MAB21L4: variants seen among roughly 807,000 people sequenced by gnomAD.
The protein encoded by MAB21L4 is mab-21 like 4.
MAB21L4 carries 25 observed loss-of-function variants against 32.4 expected under a neutral mutation model. The ratio of observed to expected loss-of-function variants is 0.77; its 90% confidence interval spans 0.56 to 1.08. The LOEUF is 1.08. MAB21L4 is among the 50% of genes least tolerant of loss of function. The pLI, the probability that MAB21L4 is intolerant of heterozygous loss-of-function variation, is 0.00. For synonymous variants in MAB21L4, 280 were observed against 276.8 expected (o/e 1.01, Z -0.11); for missense variants, 638 against 611.0 (o/e 1.04, Z -0.47).
chr2:240,893,477 G>C (rs1279360171), intron 1 of MAB21L4, among the ~76,000 whole-genome samples: 1 of 152,212 alleles, frequency 6.6e-6, no homozygotes, highest in Non-Finnish European at 1.5e-5. Context: ...CATCTGCCGT[G>C]GGCCACGCAC....
In MAB21L4 at chr2:240,889,635, G is replaced by A. The variant is rs375941787; in HGVS notation, c.894+370C>T. On this transcript the variant is annotated intron_variant, in intron 3 of 4. Coordinates refer to ENST00000388934, the MANE Select transcript of MAB21L4 (RefSeq NM_001085437.3). ...CTCTCCTGGGAACCCCCAGAGGGAG[G>A]TGTCCCAGCCAGGTGACATTCCCAG... 8.5e-5 allele frequency among the ~76,000 whole-genome samples: 13 copies of A among 152,344 alleles called. No homozygotes were observed. In the East Asian group the frequency reaches 1.9e-3, roughly 23 times the overall value.
chr2:240,893,407 C>A (rs1438129173), intron 1 of MAB21L4, among the ~76,000 whole-genome samples: 1 of 152,194 alleles, frequency 6.6e-6, no homozygotes, highest in African/African-American at 2.4e-5. Context: ...GAAGGAGGGC[C>A]CCCCCATGCA....
Position 240,886,999 on chromosome 2 carries a change from G to A in MAB21L4, c.*71C>T. 1 of 1,191,578 alleles carries A rather than the reference G, an allele frequency of 8.4e-7. No homozygotes were observed. Among genetic ancestry groups the A allele is most frequent in the South Asian group, 1.2e-5 (1 of 80,354 alleles). The allele number at this position is 1,191,578 out of a possible 1,614,324, so 73.8% of individuals were successfully genotyped here. Reference sequence around the variant, plus strand: ...CCGTTTCTTCTTCCAAACATCCCAGGAGCCTCCCATGGTGCAGTGCAGAGT... The same window carrying A: ...CCGTTTCTTCTTCCAAACATCCCAGAAGCCTCCCATGGTGCAGTGCAGAGT... On this transcript the variant is annotated 3_prime_UTR_variant, in exon 5 of 5. Coordinates refer to ENST00000388934, the MANE Select transcript of MAB21L4 (RefSeq NM_001085437.3).
intron 1 of MAB21L4, among the ~76,000 whole-genome samples, chr2:240,893,467 C>T (rs1178131817): frequency 6.6e-6 from 1 of 152,244 alleles, no homozygotes; most frequent in Non-Finnish European, 1.5e-5. Flanking sequence ...CCACACACCT[C>T]ATCTGCCGTG....
chr2:240,894,290 C>CT (rs991382036), intron 1 of MAB21L4, among the ~76,000 whole-genome samples: 5 of 152,238 alleles, frequency 3.3e-5, no homozygotes, highest in African/African-American at 9.6e-5. Context: ...CAACAAAGCC[C>CT]TGTGAGGACT....
At chr2:240,894,443 G>A (rs866226301) in intron 1 of MAB21L4, among the ~76,000 whole-genome samples, 4 of 152,108 alleles carry the variant, frequency 2.6e-5, no homozygotes, top group African/African-American at 4.8e-5. Context: ...CCCAGCGACC[G>A]TCGCCGTCCA....
rs1351490251 is a variant in MAB21L4, at chr2:240,887,314, G to A, written c.1252-152C>T. 4 of 646,288 alleles carry A rather than the reference G, an allele frequency of 6.2e-6. No homozygotes were observed. In the Admixed American group the frequency reaches 1.0e-4, roughly 16 times the overall value. 40.0% of individuals were successfully genotyped at this position (646,288 alleles called of 1,614,324 possible). A position where few individuals can be genotyped will look rare whatever the true frequency, so the allele number is the denominator to read the frequency against. On this transcript the variant is annotated intron_variant, in intron 4 of 4. Coordinates refer to ENST00000388934, the MANE Select transcript of MAB21L4 (RefSeq NM_001085437.3). ...GGTATCTGCCTGGACAGGCATCCTA[G>A]AGGCGGAGCGGCCCCAGCCTCTGCT...
At chr2:240,893,405 GC>G (rs1042931088) in intron 1 of MAB21L4, among the ~76,000 whole-genome samples, 6 of 152,158 alleles carry the variant, frequency 3.9e-5, no homozygotes, top group African/African-American at 1.2e-4. Flanking sequence ...GAGAAGGAGG[GC>G]CCCCCCATGC....
chr2:240,891,453 C>A, intron 2 of MAB21L4, 85 bp downstream of exon 2: 1 of 1,304,188 alleles, frequency 7.7e-7, no homozygotes, highest in South Asian at 1.4e-5. Context: ...TGCAGATCCT[C>A]CTGGCTGGGG....
At chr2:240,887,196 G>T in intron 4 of MAB21L4, 34 bp from the exon 5 acceptor site, 1 of 1,563,778 alleles carries the variant, frequency 6.4e-7, no homozygotes, top group South Asian at 1.1e-5. Flanking sequence ...AAGGGTTACA[G>T]GGACCCCTGG....
At chr2:240,891,454 C>A in intron 2 of MAB21L4, 84 bp downstream of exon 2, 1 of 1,313,854 alleles carries the variant, frequency 7.6e-7, no homozygotes, top group Non-Finnish European at 1.0e-6. Context: ...GCAGATCCTC[C>A]TGGCTGGGGC....
chr2:240,896,403 G>C (rs1346505589), upstream of MAB21L4, among the ~76,000 whole-genome samples: 3 of 152,172 alleles, frequency 2.0e-5, no homozygotes, highest in Non-Finnish European at 4.4e-5. Context: ...GGGAGCCTCT[G>C]TGTGTTGCTG....
At chr2:240,887,469 G>A (rs775386141) in intron 4 of MAB21L4, among the ~76,000 whole-genome samples, 3 of 152,258 alleles carry the variant, frequency 2.0e-5, no homozygotes, top group Non-Finnish European at 4.4e-5. Flanking sequence ...GCCCACACAG[G>A]TCTGCTGAGA....
At position 240,888,292 on chromosome 2, in the gene MAB21L4, CT is replaced by C; in HGVS notation, c.1250del (p.Lys417SerfsTer116). 1 of 1,551,918 alleles carries C rather than the reference CT, an allele frequency of 6.4e-7. No homozygotes were observed. The highest frequency in any genetic ancestry group is 1.2e-5 in the South Asian group (1 of 80,004). ...CAAGGCCCCCGCAGCCAGCACCCAC[CT>C]TGTCCAGCAGGACGTCGAAGTAGGC... ...ATAYFDVLLDKFQVFNIQDKD... is the reference protein window; with the variant it reads ...ATAYFDVLLDXFQVFNIQDKD... On this transcript the variant is annotated frameshift_variant and splice_region_variant, in exon 4 of 5. Coordinates refer to ENST00000388934, the MANE Select transcript of MAB21L4 (RefSeq NM_001085437.3). LOFTEE classifies it high-confidence loss of function.
chr2:240,895,685 C>T lies in MAB21L4; in HGVS notation c.313G>A (p.Gly105Ser). The T allele has an allele frequency of 1.2e-6, 2 of 1,612,970 alleles. No homozygotes were observed. Among genetic ancestry groups the T allele is most frequent in the Non-Finnish European group, 1.7e-6 (2 of 1,180,026 alleles). The change falls in exon 1 of 5, where the codon GGC becomes AGC. Residue 105 changes from glycine (G) to serine (S), a missense_variant. Coordinates refer to ENST00000388934, the MANE Select transcript of MAB21L4 (RefSeq NM_001085437.3). ...EEPEATQPED[G>S]LELCHLGVPR... is the part of the protein sequence containing the mutation. ...ACACCCAGGTGGCATAATTCAAGGCCATCCTCCGGCTGGGTGGCCTCTGGT... is the reference window on the plus strand; with the variant it reads ...ACACCCAGGTGGCATAATTCAAGGCTATCCTCCGGCTGGGTGGCCTCTGGT...
At chr2:240,889,890 G>A (rs756005569) in intron 3 of MAB21L4, 115 bp downstream of exon 3, 281 of 1,266,736 alleles carry the variant, frequency 2.2e-4, no homozygotes, top group Non-Finnish European at 2.9e-4. Context: ...CCCCAACTCC[G>A]ACTTGGGACT....
intron 2 of MAB21L4, 111 bp downstream of exon 2, chr2:240,891,427 G>T: frequency 1.0e-6 from 1 of 997,036 alleles, no homozygotes; most frequent in Non-Finnish European, 1.5e-6. Context: ...TGGGGGCAGA[G>T]GCAGACGGAG....
chr2:240,893,259 G>T (rs543466034), intron 1 of MAB21L4, among the ~76,000 whole-genome samples: 1 of 152,180 alleles, frequency 6.6e-6, no homozygotes, highest in African/African-American at 2.4e-5. Context: ...CCTGGTCCTG[G>T]CTGTGTGGAC....
chr2:240,888,225 G>A, intron 4 of MAB21L4, 67 bp downstream of exon 4: 1 of 1,295,036 alleles, frequency 7.7e-7, no homozygotes, highest in South Asian at 1.5e-5. Context: ...CAGGGAGCCA[G>A]GCCAGGGCTC....
Sources: gnomAD v4.1 joint callset for allele counts (sites outside exome capture counted in the v4.1 genomes callset) on GRCh38, gnomAD v4.1.1 for gene constraint, MANE v1.5 for transcripts, NCBI Gene and HGNC (gene_info 2026-07-23, HGNC 2026-07-21) for gene names.